Variants in SOX6 observed in about 807,000 individuals in gnomAD.
The protein encoded by SOX6 is SRY-box transcription factor 6, also known as transcription factor SOX-6.
A neutral mutation model predicts 97.8 loss-of-function variants in SOX6; 11 were observed. The ratio of observed to expected loss-of-function variants is 0.11; its 90% confidence interval spans 0.07 to 0.19. The LOEUF is 0.19. SOX6 is among the 10% of genes least tolerant of loss of function. SOX6 has a pLI of 1.00. For synonymous variants in SOX6, 360 were observed against 371.4 expected, an observed-to-expected ratio of 0.97 and a Z score of 0.35; for missense variants, 810 against 1,039.5, an observed-to-expected ratio of 0.78 and a Z score of 3.04.
chr11:16,354,838 T>A (rs1354214749), intron 1 of SOX6, among the ~76,000 whole-genome samples: 1 of 152,058 alleles, frequency 6.6e-6, no homozygotes, highest in Admixed American at 6.6e-5. Flanking sequence ...CAAAGCCTGA[T>A]TATTTTCTTG....
intron 4 of SOX6, among the ~76,000 whole-genome samples, chr11:16,603,390 G>C (rs1848294613): frequency 6.6e-6 from 1 of 152,200 alleles, no homozygotes; most frequent in Admixed American, 6.5e-5. Context: ...CTGAACCAGA[G>C]TAAGATAGGG....
intron 13 of SOX6, among the ~76,000 whole-genome samples, chr11:15,998,260 T>A (rs1423509978): frequency 1.3e-5 from 2 of 150,606 alleles, no homozygotes; most frequent in Non-Finnish European, 3.0e-5. Context: ...CAATAAAAAA[T>A]ACCAAAATCA....
intron 3 of SOX6, among the ~76,000 whole-genome samples, chr11:16,656,402 C>T (rs1405299992): frequency 6.6e-6 from 1 of 152,050 alleles, no homozygotes; most frequent in African/African-American, 2.4e-5. Flanking sequence ...ACATGACGTA[C>T]CAGGAGAGTC....
chr11:16,583,616 T>TATATATATATATACACACACACAC lies in SOX6; in HGVS notation n.609+28464_609+28465insGTGTGTGTGTGTATATATATATAT, dbSNP rs1554976100. Among the ~76,000 whole-genome samples, 424 of 52,476 alleles carry TATATATATATATACACACACACAC rather than the reference T, an allele frequency of 8.1e-3. 9 individuals are homozygous for TATATATATATATACACACACACAC. Among genetic ancestry groups the TATATATATATATACACACACACAC allele is most frequent in the South Asian group, 0.019 (16 of 828 alleles). The allele number at this position is 52,476 out of a possible 152,430, so 34.4% of individuals were successfully genotyped here. ...ATGTATATATGTGTATATATATACATATATATATATATATATATATACACA... is the reference window on the plus strand; with the variant it reads ...ATGTATATATGTGTATATATATACATATATATATATATACACACACACACATATATATATATATATATATACACA... On this transcript the variant is annotated intron_variant and non_coding_transcript_variant, in intron 4 of 5. Transcript: ENST00000524520.
At chr11:16,336,642 G>A (rs2134333020) in intron 2 of SOX6, among the ~76,000 whole-genome samples, 1 of 152,142 alleles carries the variant, frequency 6.6e-6, no homozygotes, top group East Asian at 1.9e-4. Flanking sequence ...ATCAAATCAT[G>A]TTACTCCCTT....
chr11:16,278,385 ATACAG>A (rs1777375977), intron 3 of SOX6, among the ~76,000 whole-genome samples: 1 of 152,174 alleles, frequency 6.6e-6, no homozygotes, highest in African/African-American at 2.4e-5. Context: ...CCTATAAACA[ATACAG>A]TAATTATGAC....
chr11:16,271,010 G>A (rs1854242900), intron 3 of SOX6, among the ~76,000 whole-genome samples: 1 of 151,316 alleles, frequency 6.6e-6, no homozygotes, highest in South Asian at 2.1e-4. Flanking sequence ...GGCTAAAACT[G>A]TAACTTTTAT....
At chr11:16,061,440 C>A (rs1440801366) in intron 9 of SOX6, among the ~76,000 whole-genome samples, 1 of 151,420 alleles carries the variant, frequency 6.6e-6, no homozygotes, top group Non-Finnish European at 1.5e-5. Flanking sequence ...ATTAGAAGAA[C>A]CGGTATTGTT....
At chr11:16,080,044 T>A (rs546674204) in intron 9 of SOX6, among the ~76,000 whole-genome samples, 3 of 148,574 alleles carry the variant, frequency 2.0e-5, no homozygotes, top group African/African-American at 7.6e-5. Context: ...ACAGTTAATA[T>A]AAAAGACTGA....
rs183011057 is a variant in SOX6 at position 16,499,747 on chromosome 11, A to C, written n.610-23359T>G. On this transcript the variant is annotated intron_variant and non_coding_transcript_variant, in intron 4 of 5. Transcript: ENST00000524520. ...AATTCCTCGACACATACACCCTCCCAACACTAAACCAGGAAGAAGTTGAAT... is the reference window on the plus strand; with the variant it reads ...AATTCCTCGACACATACACCCTCCCCACACTAAACCAGGAAGAAGTTGAAT... Among the ~76,000 whole-genome samples the C allele has an allele frequency of 7.7e-3, 1,171 of 152,304 alleles. 14 individuals are homozygous for C. Among genetic ancestry groups the C allele is most frequent in the African/African-American group, 0.027 (1,119 of 41,576 alleles).
At chr11:16,637,497 G>A (rs1444944373) in intron 3 of SOX6, among the ~76,000 whole-genome samples, 1 of 152,146 alleles carries the variant, frequency 6.6e-6, no homozygotes. Context: ...GGGATTACAG[G>A]CATGAGCCAC....
intron 4 of SOX6, among the ~76,000 whole-genome samples, chr11:16,499,372 A>G (rs1049251826): frequency 1.3e-5 from 2 of 152,096 alleles, no homozygotes; most frequent in Admixed American, 6.5e-5. Context: ...ATCTAAAATT[A>G]ACACCCTAAC....
At chr11:16,736,973 A>T (rs60489270) in intron 1 of SOX6, among the ~76,000 whole-genome samples, 5,400 of 152,094 alleles carry the variant, frequency 0.036, 170 homozygotes, top group African/African-American at 0.085. Flanking sequence ...CTATTATGCT[A>T]TTTTTCTGCT....
chr11:16,234,767 C>T lies in SOX6; in HGVS notation c.446-96G>A, dbSNP rs1852965520. The T allele has an allele frequency of 7.3e-6, 5 of 680,950 alleles. No homozygotes were observed. The East Asian group carries it at 1.5e-4, about 21-fold the overall frequency. 42.2% of individuals were successfully genotyped at this position (680,950 alleles called of 1,614,324 possible). A position where few individuals can be genotyped will look rare whatever the true frequency, so the allele number is the denominator to read the frequency against. ...AATTCTCATTTAAGAATGCATAAAG[C>T]TGTTTTTGTTGCTGTAGCTTGAACC... On this transcript the variant is annotated intron_variant, in intron 3 of 15. Transcript: ENST00000683767.
At chr11:16,473,146 C>T (rs920405731) in intron 1 of SOX6, among the ~76,000 whole-genome samples, 1 of 152,028 alleles carries the variant, frequency 6.6e-6, no homozygotes, top group African/African-American at 2.4e-5. Flanking sequence ...TACCTTTGTT[C>T]TCCAAAATAT....
At chr11:16,495,916 C>T (rs1860587709) in intron 4 of SOX6, among the ~76,000 whole-genome samples, 1 of 152,148 alleles carries the variant, frequency 6.6e-6, no homozygotes, top group South Asian at 2.1e-4. Flanking sequence ...AAAATATCAC[C>T]ACAGCCTCCA....
At chr11:16,053,946 C>A (rs1424126361) in intron 10 of SOX6, among the ~76,000 whole-genome samples, 13 of 151,884 alleles carry the variant, frequency 8.6e-5, no homozygotes, top group Admixed American at 7.9e-4. Context: ...ATGTTTTGGT[C>A]TATATATTTT....
At chr11:16,416,006 C>T (rs1858918451) in intron 1 of SOX6, among the ~76,000 whole-genome samples, 1 of 152,122 alleles carries the variant, frequency 6.6e-6, no homozygotes, top group Non-Finnish European at 1.5e-5. Context: ...ATATGTAGCT[C>T]TTTAAAGAGT....
intron 4 of SOX6, among the ~76,000 whole-genome samples, chr11:16,213,967 A>G (rs551938121): frequency 1.8e-4 from 28 of 152,294 alleles, no homozygotes; most frequent in Admixed American, 8.5e-4. Context: ...AGAACTCCCC[A>G]AAAGACTTAG....
Sources: gnomAD v4.1 joint callset for allele counts (sites outside exome capture counted in the v4.1 genomes callset) on GRCh38, gnomAD v4.1.1 for gene constraint, MANE v1.5 for transcripts, NCBI Gene and HGNC (gene_info 2026-07-23, HGNC 2026-07-21) for gene names.